Variants in DAP observed in about 807,000 individuals in gnomAD.
DAP encodes death-associated protein 1.
In DAP, 8 loss-of-function variants were observed where a neutral mutation model predicts 13.8. That is an observed-to-expected ratio of 0.58 (90% CI 0.34 to 1.05). DAP has a LOEUF of 1.05. DAP is among the 50% of genes least tolerant of loss of function. The probability of loss-of-function intolerance (pLI) is 0.03; values close to 1 mark genes in which losing one functional copy is unlikely to be tolerated. For missense variants in DAP, 106 were observed against 133.2 expected (o/e 0.80, Z 1.01); for synonymous variants, 47 against 47.5 (o/e 0.99, Z 0.04).
rs1331462396 is a variant in DAP, at chr5:10,680,783, A to G, written c.*273T>C. ...CTGCTGAAATAGAACTAAAGCTAAA[A>G]TTTTTCTCGGATCTTGGCAAATTCT... is the stretch of plus-strand genomic sequence containing the variant. On this transcript the variant is annotated 3_prime_UTR_variant, in exon 4 of 4. Coordinates refer to ENST00000230895, the MANE Select transcript of DAP (RefSeq NM_004394.3). The G allele has an allele frequency of 4.6e-6, 7 of 1,536,468 alleles. No homozygotes were observed. Among genetic ancestry groups the G allele is most frequent in the Non-Finnish European group, 6.1e-6 (7 of 1,147,014 alleles).
At chr5:10,702,864 A>G (rs886265533) in intron 2 of DAP, among the ~76,000 whole-genome samples, 2 of 152,208 alleles carry the variant, frequency 1.3e-5, no homozygotes, top group African/African-American at 4.8e-5. Flanking sequence ...TCTTTTTAAT[A>G]AAGTGCGATG....
chr5:10,737,933 A>G (rs1207328279), intron 2 of DAP, among the ~76,000 whole-genome samples: 1 of 152,242 alleles, frequency 6.6e-6, no homozygotes, highest in African/African-American at 2.4e-5. Flanking sequence ...ACAAAGACAC[A>G]CAAAGAGGAA....
At chr5:10,697,437 TC>T (rs1220393011) in intron 2 of DAP, among the ~76,000 whole-genome samples, 1 of 152,228 alleles carries the variant, frequency 6.6e-6, no homozygotes, top group Admixed American at 6.5e-5. Context: ...TCTGAACACG[TC>T]CACGCTTTAG....
chr5:10,714,316 T>C (rs1738927416), intron 2 of DAP, among the ~76,000 whole-genome samples: 1 of 152,214 alleles, frequency 6.6e-6, no homozygotes, highest in Admixed American at 6.5e-5. Context: ...CCTGTAATTT[T>C]TTCATCAATA....
At position 10,728,692 on chromosome 5, in the gene DAP, G is replaced by A. The variant is rs550844535; in HGVS notation, c.152+19483C>T. Among the ~76,000 whole-genome samples, 4 of 152,312 alleles carry A rather than the reference G, an allele frequency of 2.6e-5. No individual in the cohort carries two copies. The South Asian group carries it at 8.3e-4, about 32-fold the overall frequency. On this transcript the variant is annotated intron_variant, in intron 2 of 3. Coordinates refer to ENST00000230895, the MANE Select transcript of DAP (RefSeq NM_004394.3). ...TCACACACTAGGAAAAACATGTCTT[G>A]CCTTAGATACAACTTTCGATCACGA...
chr5:10,756,116 C>A lies in DAP; in HGVS notation c.55+4898G>T, dbSNP rs576968982. Among the ~76,000 whole-genome samples the A allele has an allele frequency of 2.1e-5, 3 of 142,992 alleles. No homozygotes were observed. In the South Asian group the frequency reaches 6.7e-4, roughly 32 times the overall value. 93.8% of individuals were successfully genotyped at this position (142,992 alleles called of 152,430 possible). A position where few individuals can be genotyped will look rare whatever the true frequency, so the allele number is the denominator to read the frequency against. On this transcript the variant is annotated intron_variant, in intron 1 of 3. Transcript: ENST00000230895. ...TGAGCCAAGATCACGCCACTGCACT[C>A]AAGCCTGAGAGAGACCCTGTCTAGA...
At chr5:10,754,832 G>A (rs1740139089) in intron 1 of DAP, among the ~76,000 whole-genome samples, 1 of 152,216 alleles carries the variant, frequency 6.6e-6, no homozygotes, top group Non-Finnish European at 1.5e-5. Flanking sequence ...CTTCCCCGTA[G>A]TTGGATTGGG....
At chr5:10,734,607 T>C (rs1270222023) in intron 2 of DAP, among the ~76,000 whole-genome samples, 1 of 152,214 alleles carries the variant, frequency 6.6e-6, no homozygotes, top group Non-Finnish European at 1.5e-5. Flanking sequence ...ACAGTGCTAT[T>C]ACCCTGTGTT....
At chr5:10,717,336 A>G (rs1026427069) in intron 2 of DAP, among the ~76,000 whole-genome samples, 1 of 152,218 alleles carries the variant, frequency 6.6e-6, no homozygotes, top group East Asian at 1.9e-4. Context: ...CTGAAACAAA[A>G]GGTTCGTGCA....
intron 2 of DAP, among the ~76,000 whole-genome samples, chr5:10,731,292 TG>T (rs1217200961): frequency 1.3e-5 from 2 of 151,746 alleles, no homozygotes; most frequent in East Asian, 3.9e-4. Flanking sequence ...TTGAGAGCCC[TG>T]GTGGGGAGAA....
rs1561028287 is a variant in DAP at position 10,736,220 on chromosome 5, C to T, written c.152+11955G>A. Among the ~76,000 whole-genome samples, 3 of 152,154 alleles carry T rather than the reference C, an allele frequency of 2.0e-5. No individual in the cohort carries two copies. In the South Asian group the frequency reaches 6.2e-4, roughly 32 times the overall value. ...CTTGATCTCAAGCTTCTGGCCTCCA[C>T]AACTGTGAGACGAAACATTTCTGTT... On this transcript the variant is annotated intron_variant, in intron 2 of 3. Coordinates refer to ENST00000230895, the MANE Select transcript of DAP (RefSeq NM_004394.3).
chr5:10,691,928 A>G (rs746750931), intron 2 of DAP, among the ~76,000 whole-genome samples: 26 of 152,206 alleles, frequency 1.7e-4, no homozygotes, highest in Non-Finnish European at 3.1e-4. Context: ...GTCCTTAACA[A>G]AAGTTTGCTA....
At chr5:10,716,507 C>T (rs1225279419) in intron 2 of DAP, among the ~76,000 whole-genome samples, 1 of 152,138 alleles carries the variant, frequency 6.6e-6, no homozygotes, top group East Asian at 1.9e-4. Context: ...CTGGAGAAGG[C>T]AGACTCACCC....
chr5:10,733,542 C>T (rs747537328), intron 2 of DAP, among the ~76,000 whole-genome samples: 2 of 152,174 alleles, frequency 1.3e-5, no homozygotes, highest in Non-Finnish European at 2.9e-5. Flanking sequence ...TCTAAATCTG[C>T]TGATTCTATG....
rs944389074 is a variant in DAP, at chr5:10,680,590, G to C, written c.*466C>G. ...CCCTGCCTCTAAGGTCCTTTATGAG[G>C]GGCCGCCCAAACTCATTCCCTTAGT... On this transcript the variant is annotated 3_prime_UTR_variant, in exon 4 of 4. Coordinates refer to ENST00000230895, the MANE Select transcript of DAP (RefSeq NM_004394.3). 5.4e-5 allele frequency: 43 copies of C among 799,524 alleles called. No individual in the cohort carries two copies. Among genetic ancestry groups the C allele is most frequent in the South Asian group, 1.3e-4 (7 of 53,172 alleles). 49.5% of individuals were successfully genotyped at this position (799,524 alleles called of 1,614,324 possible). A position where few individuals can be genotyped will look rare whatever the true frequency, so the allele number is the denominator to read the frequency against.
At chr5:10,716,318 A>C (rs1430961874) in intron 2 of DAP, among the ~76,000 whole-genome samples, 1 of 152,204 alleles carries the variant, frequency 6.6e-6, no homozygotes, top group Admixed American at 6.5e-5. Context: ...ACTCCTTCGA[A>C]GTCTAGATAT....
At chr5:10,736,224 T>G (rs896780545) in intron 2 of DAP, among the ~76,000 whole-genome samples, 1 of 152,150 alleles carries the variant, frequency 6.6e-6, no homozygotes, top group African/African-American at 2.4e-5. Flanking sequence ...CCTCCACAAC[T>G]GTGAGACGAA....
intron 2 of DAP, among the ~76,000 whole-genome samples, chr5:10,724,352 G>A (rs182582517): frequency 1.2e-3 from 181 of 152,288 alleles, no homozygotes; most frequent in African/African-American, 3.9e-3. Context: ...GTTAATTCAC[G>A]CTGTGCTTTT....
In DAP at chr5:10,757,297, A is replaced by G. The variant is rs538187647; in HGVS notation, c.55+3717T>C. 4.6e-3 allele frequency among the ~76,000 whole-genome samples: 690 copies of G among 151,540 alleles called. 8 individuals carry two copies. The highest frequency in any genetic ancestry group is 0.015 in the African/African-American group (613 of 41,300). On this transcript the variant is annotated intron_variant, in intron 1 of 3. Transcript: ENST00000230895. ...GGGTCAGGTTTTTTTTTTTTAGACGAAATATTCGCTCTTCTTGCCCAGGCT... is the reference window on the plus strand; with the variant it reads ...GGGTCAGGTTTTTTTTTTTTAGACGGAATATTCGCTCTTCTTGCCCAGGCT...
Sources: allele counts gnomAD v4.1 joint callset (sites outside exome capture counted in the v4.1 genomes callset), GRCh38; gene constraint gnomAD v4.1.1; transcripts MANE v1.5; gene names NCBI Gene and HGNC (gene_info 2026-07-23, HGNC 2026-07-21).